KCNIP4: variants seen among roughly 807,000 people sequenced by gnomAD.
KCNIP4 encodes the protein Kv channel-interacting protein 4.
KCNIP4 carries 12 observed loss-of-function variants against 34.0 expected under a neutral mutation model. The ratio of observed to expected loss-of-function variants is 0.35; its 90% CI spans 0.23 to 0.57. The LOEUF is 0.57. Among genes scored for constraint, KCNIP4 ranks in the 20% least tolerant of loss-of-function variants. The pLI is 0.83. For missense variants in KCNIP4, 238 were observed against 311.7 expected (o/e 0.76, Z 1.78); for synonymous variants, 124 against 102.2 (o/e 1.21, Z -1.29).
intron 3 of KCNIP4, among the ~76,000 whole-genome samples, chr4:20,804,691 T>C (rs760003407): frequency 1.3e-5 from 2 of 152,202 alleles, no homozygotes; most frequent in Non-Finnish European, 2.9e-5. Context: ...CAGTACATAC[T>C]AGGTTGCTAG....
At chr4:20,914,777 C>T (rs979244066) in intron 1 of KCNIP4, among the ~76,000 whole-genome samples, 1 of 152,090 alleles carries the variant, frequency 6.6e-6, no homozygotes, top group Non-Finnish European at 1.5e-5. Flanking sequence ...TAGAAATAAA[C>T]AACATGGTGG....
intron 1 of KCNIP4, among the ~76,000 whole-genome samples, chr4:21,112,837 G>T (rs1373929397): frequency 6.6e-6 from 1 of 152,082 alleles, no homozygotes; most frequent in Non-Finnish European, 1.5e-5. Flanking sequence ...TGGCTTCTAG[G>T]ATTGATATAA....
intron 1 of KCNIP4, among the ~76,000 whole-genome samples, chr4:21,805,811 A>C (rs1170624988): frequency 6.6e-6 from 1 of 152,158 alleles, no homozygotes; most frequent in East Asian, 1.9e-4. Flanking sequence ...TCACTTGAAC[A>C]CTTGAACCAT....
In KCNIP4 at chr4:21,778,723, G is replaced by T. The variant is rs112289233; in HGVS notation, c.61+169848C>A. ...AAATTAAGGCATAATGTAAAAATCG[G>T]ATTCTTGGAGGAACTAGGTGATATG... On this transcript the variant is annotated intron_variant, in intron 1 of 8. Coordinates refer to ENST00000382152, the MANE Select transcript of KCNIP4 (RefSeq NM_025221.6). Among the ~76,000 whole-genome samples, 952 of 152,220 alleles carry T rather than the reference G, an allele frequency of 6.3e-3. 13 individuals are homozygous for T. The highest frequency in any genetic ancestry group is 7.3e-3 in the Non-Finnish European group (498 of 68,020).
intron 1 of KCNIP4, among the ~76,000 whole-genome samples, chr4:21,797,338 T>C (rs1720690129): frequency 6.6e-6 from 1 of 152,086 alleles, no homozygotes; most frequent in South Asian, 2.1e-4. Flanking sequence ...AGAAACAGGG[T>C]CTCACTATGT....
chr4:21,439,301 C>T (rs1221778376), intron 1 of KCNIP4, among the ~76,000 whole-genome samples: 1 of 152,074 alleles, frequency 6.6e-6, no homozygotes, highest in Non-Finnish European at 1.5e-5. Flanking sequence ...TGAATATCGC[C>T]ATTAAATATT....
At chr4:21,569,183 A>G (rs1740154272) in intron 1 of KCNIP4, among the ~76,000 whole-genome samples, 1 of 133,330 alleles carries the variant, frequency 7.5e-6, no homozygotes, top group African/African-American at 2.8e-5. Context: ...AATGGAGTCT[A>G]CAAGTTTGTT....
intron 1 of KCNIP4, among the ~76,000 whole-genome samples, chr4:21,266,272 G>A (rs563525348): frequency 1.3e-5 from 2 of 152,274 alleles, no homozygotes; most frequent in South Asian, 4.1e-4. Flanking sequence ...TAAAGAGGAT[G>A]CTTTTCCTAT....
intron 1 of KCNIP4, among the ~76,000 whole-genome samples, chr4:21,271,213 G>A (rs1448310183): frequency 6.6e-6 from 1 of 151,976 alleles, no homozygotes; most frequent in East Asian, 1.9e-4. Context: ...GGCATTCAGG[G>A]GTCCCTCTGT....
intron 1 of KCNIP4, among the ~76,000 whole-genome samples, chr4:21,819,324 C>T (rs1194307182): frequency 3.9e-5 from 6 of 152,218 alleles, no homozygotes; most frequent in African/African-American, 1.4e-4. Context: ...TCCCAGCCAA[C>T]ACAGCTCACA....
chr4:21,072,750 G>T (rs975930706), intron 1 of KCNIP4, among the ~76,000 whole-genome samples: 3 of 151,912 alleles, frequency 2.0e-5, no homozygotes, highest in African/African-American at 7.3e-5. Context: ...TATTGCCTAG[G>T]TTTTCTCCTA....
rs139377548 is a variant in KCNIP4 at position 20,983,514 on chromosome 4, C to G, written c.62-100805G>C. ...TGAACTTGACAACCAAATACCAACC[C>G]ATATTATCACCCCATAGGAGAGAGT... On this transcript the variant is annotated intron_variant, in intron 1 of 8. Coordinates refer to ENST00000382152, the MANE Select transcript of KCNIP4 (RefSeq NM_025221.6). Among the ~76,000 whole-genome samples, 12 of 152,162 alleles carry G rather than the reference C, an allele frequency of 7.9e-5. No individual in the cohort carries two copies. The East Asian group carries it at 2.3e-3, about 29-fold the overall frequency.
chr4:21,006,923 A>G (rs1738616375), intron 1 of KCNIP4, among the ~76,000 whole-genome samples: 1 of 150,250 alleles, frequency 6.7e-6, no homozygotes, highest in Admixed American at 6.6e-5. Context: ...AAGGTCTCAC[A>G]ATAAATTCTC....
Position 20,734,706 on chromosome 4 carries a change from G to A in KCNIP4, c.459C>T (p.Leu153=). 6.3e-7 allele frequency: 1 copy of A among 1,588,272 alleles called. No homozygotes were observed. Among genetic ancestry groups the A allele is most frequent in the Non-Finnish European group, 8.6e-7 (1 of 1,167,736 alleles). Residue 153 remains leucine (L), a synonymous_variant, in exon 6 of 9, where the codon CTC becomes CTT. Coordinates refer to ENST00000382152, the MANE Select transcript of KCNIP4 (RefSeq NM_025221.6). ...TGAGTTTTTCTTGTACTGTCCCCCG[G>A]AGCAAAATGGAAAGACCTTTGATGA... ...EDFIKGLSIL[L]RGTVQEKLNW...
intron 1 of KCNIP4, among the ~76,000 whole-genome samples, chr4:21,715,281 G>A (rs1176704942): frequency 4.0e-5 from 6 of 151,366 alleles, no homozygotes; most frequent in South Asian, 2.1e-4. Flanking sequence ...ACAGGCGCCC[G>A]CCATCATGCC....
At chr4:21,378,893 T>TA (rs1317654784) in intron 1 of KCNIP4, among the ~76,000 whole-genome samples, 1 of 152,092 alleles carries the variant, frequency 6.6e-6, no homozygotes, top group East Asian at 1.9e-4. Context: ...TCTTTCAAAT[T>TA]AAAAAAACAC....
At chr4:21,789,010 C>G (rs1334741404) in intron 1 of KCNIP4, among the ~76,000 whole-genome samples, 1 of 145,208 alleles carries the variant, frequency 6.9e-6, no homozygotes, top group African/African-American at 2.5e-5. Flanking sequence ...GAGGCAGAGG[C>G]TGCAATGAGC....
At chr4:21,383,415 A>T (rs527283391) in intron 1 of KCNIP4, among the ~76,000 whole-genome samples, 1 of 150,878 alleles carries the variant, frequency 6.6e-6, no homozygotes, top group African/African-American at 2.4e-5. Flanking sequence ...GTGCTATGGG[A>T]CACCTACCCT....
At chr4:21,238,043 G>T (rs545282323) in intron 1 of KCNIP4, among the ~76,000 whole-genome samples, 1 of 152,228 alleles carries the variant, frequency 6.6e-6, no homozygotes, top group South Asian at 2.1e-4. Flanking sequence ...GATCAAGTGG[G>T]CTTCATCCCT....
Sources: allele counts gnomAD v4.1 joint callset (sites outside exome capture counted in the v4.1 genomes callset), GRCh38; gene constraint gnomAD v4.1.1; transcripts MANE v1.5; gene names NCBI Gene and HGNC (gene_info 2026-07-23, HGNC 2026-07-21).